Variants in USP37 observed in about 807,000 individuals in gnomAD.
USP37 encodes the protein ubiquitin specific peptidase 37, also known as ubiquitin carboxyl-terminal hydrolase 37.
USP37 carries 27 observed loss-of-function variants against 124.0 expected under a neutral mutation model. That is an observed-to-expected ratio of 0.22 (90% CI 0.16 to 0.30). The LOEUF (loss-of-function observed/expected upper bound fraction) is 0.30, where lower values mean the gene tolerates loss of function less well. USP37 is among the 10% of genes least tolerant of loss of function. The pLI, the probability that USP37 is intolerant of heterozygous loss-of-function variation, is 1.00. For missense variants in USP37, 889 were observed against 1,140.4 expected, an observed-to-expected ratio of 0.78 and a Z score of 3.17; for synonymous variants, 365 against 388.0, an observed-to-expected ratio of 0.94 and a Z score of 0.70.
In USP37 at chr2:218,475,720, A is replaced by C. The variant is rs573092255; in HGVS notation, c.2044-835T>G. On this transcript the variant is annotated intron_variant, in intron 19 of 25. Transcript: ENST00000258399. ...ACTCCAGCCTGGGTGACAGGGCAAGAGTCTGTCTCAAAAATAAATAAATAA... is the reference window on the plus strand; with the variant it reads ...ACTCCAGCCTGGGTGACAGGGCAAGCGTCTGTCTCAAAAATAAATAAATAA... Among the ~76,000 whole-genome samples, 3 of 152,268 alleles carry C rather than the reference A, an allele frequency of 2.0e-5. No homozygotes were observed. The East Asian group carries it at 5.8e-4, about 29-fold the overall frequency.
chr2:218,535,003 T>C (rs942091232), intron 8 of USP37, among the ~76,000 whole-genome samples: 1 of 152,212 alleles, frequency 6.6e-6, no homozygotes, highest in African/African-American at 2.4e-5. Flanking sequence ...GCAAGATTAT[T>C]AGATTTTCTT....
rs1168260705 is a variant in USP37 at position 218,455,687 on chromosome 2, C to T, written c.2745G>A (p.Lys915=). Residue 915 remains lysine, a synonymous_variant, in exon 25 of 26, where the codon AAG becomes AAA. Transcript: ENST00000258399. ...GHYISDVYDI[K]KQAWFTYNDL... is the part of the protein sequence containing the mutation. ...CATTGTAAGTAAACCACGCTTGCTT[C>T]TTAATGTCATATACATCACTAATGT... is the stretch of plus-strand genomic sequence containing the variant. The T allele has an allele frequency of 6.2e-7, 1 of 1,614,008 alleles. No homozygotes were observed. Among genetic ancestry groups the T allele is most frequent in the Non-Finnish European group, 8.5e-7 (1 of 1,180,022 alleles).
chr2:218,482,861 G>T (rs1359687394), intron 16 of USP37, among the ~76,000 whole-genome samples: 1 of 152,124 alleles, frequency 6.6e-6, no homozygotes, highest in Non-Finnish European at 1.5e-5. Context: ...GGTTAAAATT[G>T]TGGTAACCTT....
chr2:218,496,966 C>T (rs1689116652), intron 13 of USP37, among the ~76,000 whole-genome samples: 1 of 150,428 alleles, frequency 6.6e-6, no homozygotes, highest in Non-Finnish European at 1.5e-5. Flanking sequence ...TCAGGTTTTT[C>T]AATCTATAAT....
rs187562641 is a variant in USP37 at position 218,491,653 on chromosome 2, G to A, written c.1473-3232C>T. Among the ~76,000 whole-genome samples, 158 of 152,310 alleles carry A rather than the reference G, an allele frequency of 1.0e-3. 1 individual carries two copies. Among genetic ancestry groups the A allele is most frequent in the Non-Finnish European group, 6.8e-4 (46 of 68,020 alleles). On this transcript the variant is annotated intron_variant, in intron 14 of 25. Coordinates refer to ENST00000258399, the MANE Select transcript of USP37 (RefSeq NM_020935.3). ...GCCAGAAAATGTTCTAGGCACTGGG[G>A]TGATAGCAGTGAATAAACCAAGGCA...
intron 4 of USP37, among the ~76,000 whole-genome samples, chr2:218,558,266 C>T (rs1693132279): frequency 6.6e-6 from 1 of 152,140 alleles, no homozygotes; most frequent in South Asian, 2.1e-4. Flanking sequence ...AGCTTCCTCC[C>T]ACAAGTTTTC....
intron 23 of USP37, 142 bp from the exon 24 acceptor site, chr2:218,457,303 C>T: frequency 4.0e-6 from 3 of 741,722 alleles, no homozygotes; most frequent in East Asian, 2.8e-5. Context: ...CTGTTCATAC[C>T]CTTTGACCCA....
chr2:218,502,102 T>C (rs909856641), intron 11 of USP37, among the ~76,000 whole-genome samples: 5 of 151,238 alleles, frequency 3.3e-5, no homozygotes, highest in African/African-American at 1.2e-4. Context: ...CTTAAGCAGA[T>C]CACACAGCTG....
At chr2:218,485,783 G>A (rs1178367427) in intron 15 of USP37, 40 bp from the exon 16 acceptor site, 3 of 1,571,568 alleles carry the variant, frequency 1.9e-6, no homozygotes, top group Admixed American at 2.0e-5. Flanking sequence ...AGGTGAATCA[G>A]CATTAGTATC....
intron 17 of USP37, 64 bp downstream of exon 17, chr2:218,482,006 A>G (rs957663340): frequency 1.3e-6 from 2 of 1,485,506 alleles, no homozygotes; most frequent in African/African-American, 1.4e-5. Context: ...CATTCTTTTG[A>G]TTAGATACTA....
chr2:218,461,310 C>T (rs1438136793), intron 22 of USP37, among the ~76,000 whole-genome samples: 2 of 151,744 alleles, frequency 1.3e-5, no homozygotes, highest in African/African-American at 2.4e-5. Flanking sequence ...GAGCTGGAGA[C>T]CAGCCTGACC....
In USP37 at chr2:218,497,759, T is replaced by C. The variant is rs753861268; in HGVS notation, c.1256A>G (p.Glu419Gly). The change falls in exon 13 of 26, where the codon GAG becomes GGG. Residue 419 changes from glutamate (E) to glycine (G), a missense_variant. Glu to Gly is a moderately conservative substitution (Grantham distance 98). Coordinates refer to ENST00000258399, the MANE Select transcript of USP37 (RefSeq NM_020935.3). ...KVKNAISATAERFSGYMQNDA... is the reference protein window; with the variant it reads ...KVKNAISATAGRFSGYMQNDA... The stretch of plus-strand genomic sequence containing the variant: ...ATTCTGCATATAACCAGAGAATCTC[T>C]CTGCTGTAGCTGAAATGGCATTTTT... The C allele has an allele frequency of 6.2e-7, 1 of 1,614,158 alleles. No homozygotes were observed. The highest frequency in any genetic ancestry group is 1.7e-5 in the Admixed American group (1 of 60,016).
At chr2:218,506,026 G>A (rs193148021) in intron 11 of USP37, among the ~76,000 whole-genome samples, 1 of 151,994 alleles carries the variant, frequency 6.6e-6, no homozygotes, top group East Asian at 1.9e-4. Flanking sequence ...ACCAAGCCCA[G>A]CTAATTTTTG....
intron 10 of USP37, among the ~76,000 whole-genome samples, chr2:218,527,986 A>T (rs1002037258): frequency 2.0e-5 from 3 of 152,122 alleles, no homozygotes; most frequent in African/African-American, 7.2e-5. Flanking sequence ...GCACATCATG[A>T]GGTCAGGAAA....
At chr2:218,500,234 G>A (rs1265101320) in intron 11 of USP37, among the ~76,000 whole-genome samples, 5 of 151,434 alleles carry the variant, frequency 3.3e-5, no homozygotes, top group Admixed American at 1.3e-4. Flanking sequence ...GCCACCACAC[G>A]CAGCTAATGT....
At position 218,547,046 on chromosome 2, in the gene USP37, A is replaced by G. The variant is rs781588083; in HGVS notation, c.475T>C (p.Phe159Leu). ...CCCGGATTACCAAGAACTTTTCGAA[A>G]TGGAATATCATCTTTAGTTTCCAAA... ...GSLETKDDIP[F>L]RKVLGNPGRG... The change falls in exon 7 of 26, where the codon TTT becomes CTT. Residue 159 changes from phenylalanine (F) to leucine (L), a missense_variant. By Grantham distance (22) the Phe-to-Leu change is conservative (BLOSUM62 0). This residue lies in a region of USP37 where 374 missense variants were observed against 386.0 expected (regional missense o/e 0.97). Coordinates refer to ENST00000258399, the MANE Select transcript of USP37 (RefSeq NM_020935.3). The G allele has an allele frequency of 1.5e-5, 24 of 1,609,800 alleles. 1 individual carries two copies. In the South Asian group the frequency reaches 2.7e-4, roughly 18 times the overall value.
intron 16 of USP37, among the ~76,000 whole-genome samples, chr2:218,483,028 C>A (rs993420532): frequency 6.6e-6 from 1 of 152,108 alleles, no homozygotes; most frequent in African/African-American, 2.4e-5. Flanking sequence ...CTGATTCTTA[C>A]CATATATGCC....
Position 218,452,200 on chromosome 2 carries a change from A to G in USP37, c.*2730T>C, listed in dbSNP as rs1485267154. 1 of 152,174 alleles carries G rather than the reference A, an allele frequency of 6.6e-6. No individual in the cohort carries two copies. Among genetic ancestry groups the G allele is most frequent in the Non-Finnish European group, 1.5e-5 (1 of 68,032 alleles). 9.4% of individuals were successfully genotyped at this position (152,174 alleles called of 1,614,324 possible). A position where few individuals can be genotyped will look rare whatever the true frequency, so the allele number is the denominator to read the frequency against. The stretch of plus-strand genomic sequence containing the variant: ...ATCAAGTTCCAATTCAATGTCATTT[A>G]AAGTAATGTAACCACACATTTGGTA... On this transcript the variant is annotated 3_prime_UTR_variant, in exon 26 of 26. Transcript: ENST00000258399.
intron 8 of USP37, among the ~76,000 whole-genome samples, chr2:218,544,841 T>C (rs1451399549): frequency 2.6e-5 from 4 of 152,230 alleles, no homozygotes; most frequent in African/African-American, 9.6e-5. Context: ...GATTATTCTG[T>C]TCCTACTCCA....
Sources: allele counts gnomAD v4.1 joint callset (sites outside exome capture counted in the v4.1 genomes callset), GRCh38; gene constraint gnomAD v4.1.1; regional missense constraint gnomAD v4.1.1; transcripts MANE v1.5; gene names NCBI Gene and HGNC (gene_info 2026-07-23, HGNC 2026-07-21).